The following DDX10 variants were observed in gnomAD, a reference collection of about 807,000 sequenced individuals.
DDX10 encodes probable ATP-dependent RNA helicase DDX10.
A neutral mutation model predicts 104.3 loss-of-function variants in DDX10; 74 were observed. The observed-to-expected ratio is 0.71, with a 90% CI of 0.59 to 0.86. DDX10 has a LOEUF of 0.86. Ranked by LOEUF, DDX10 falls within the 40% of genes least tolerant of loss-of-function variation. The pLI is 0.00. For missense variants in DDX10, 952 were observed against 1,040.0 expected (o/e 0.92, Z 1.16); for synonymous variants, 351 against 353.4 (o/e 0.99, Z 0.08).
intron 16 of DDX10, among the ~76,000 whole-genome samples, chr11:108,895,277 A>G (rs1251809485): frequency 1.3e-5 from 2 of 150,370 alleles, no homozygotes; most frequent in Non-Finnish European, 3.0e-5. Context: ...TTTTGCTTGT[A>G]CTTAAGGTGT....
At chr11:108,703,479 G>A (rs569906339) in intron 9 of DDX10, among the ~76,000 whole-genome samples, 1 of 152,128 alleles carries the variant, frequency 6.6e-6, no homozygotes, top group South Asian at 2.1e-4. Flanking sequence ...ACAGCCGTGT[G>A]CCACCACTCC....
chr11:108,845,336 A>G (rs907549653), intron 15 of DDX10, among the ~76,000 whole-genome samples: 3 of 152,210 alleles, frequency 2.0e-5, no homozygotes, highest in Non-Finnish European at 4.4e-5. Flanking sequence ...GCTTTAATTA[A>G]TTGCTTTACT....
At chr11:108,857,131 G>C (rs1002614733) in intron 16 of DDX10, among the ~76,000 whole-genome samples, 3 of 152,150 alleles carry the variant, frequency 2.0e-5, no homozygotes, top group Non-Finnish European at 4.4e-5. Flanking sequence ...CAGGTTTCCT[G>C]AATCTTCATT....
intron 13 of DDX10, among the ~76,000 whole-genome samples, chr11:108,771,607 T>G (rs1156323605): frequency 6.6e-6 from 1 of 152,164 alleles, no homozygotes; most frequent in African/African-American, 2.4e-5. Flanking sequence ...AGTCTCACTG[T>G]GCAGAAGCTT....
At chr11:108,727,144 C>T (rs1053078135) in intron 13 of DDX10, among the ~76,000 whole-genome samples, 1 of 151,818 alleles carries the variant, frequency 6.6e-6, no homozygotes, top group Non-Finnish European at 1.5e-5. Flanking sequence ...TCTTTTTTTG[C>T]GATGACTTGA....
At chr11:108,746,334 GT>G (rs551574337) in intron 13 of DDX10, among the ~76,000 whole-genome samples, 67 of 144,358 alleles carry the variant, frequency 4.6e-4, no homozygotes, top group African/African-American at 1.1e-3. Flanking sequence ...CACTTAGTAT[GT>G]TTTTTTTTTT....
chr11:108,852,014 T>A (rs1365308556), intron 15 of DDX10, 139 bp from the exon 16 acceptor site: 1 of 650,010 alleles, frequency 1.5e-6, no homozygotes, highest in South Asian at 2.2e-5. Flanking sequence ...GCCAATCCCA[T>A]AGTAGTAGTC....
At chr11:108,916,752 A>C (rs1424514933) in intron 16 of DDX10, among the ~76,000 whole-genome samples, 6 of 152,190 alleles carry the variant, frequency 3.9e-5, no homozygotes, top group African/African-American at 7.2e-5. Flanking sequence ...CTGGTAGTTG[A>C]CAAAACCAAT....
At chr11:108,933,549 G>A (rs1165249947) in intron 17 of DDX10, among the ~76,000 whole-genome samples, 2 of 152,150 alleles carry the variant, frequency 1.3e-5, no homozygotes, top group Non-Finnish European at 2.9e-5. Flanking sequence ...GTGACATGCC[G>A]AGTTTTGATC....
At chr11:108,798,164 A>G (rs1425193595) in intron 13 of DDX10, among the ~76,000 whole-genome samples, 1 of 152,186 alleles carries the variant, frequency 6.6e-6, no homozygotes, top group African/African-American at 2.4e-5. Flanking sequence ...TTACAGAAGA[A>G]AGGACTCTAA....
At chr11:108,883,983 CT>C (rs1261161574) in intron 16 of DDX10, among the ~76,000 whole-genome samples, 4 of 152,172 alleles carry the variant, frequency 2.6e-5, no homozygotes, top group Non-Finnish European at 5.9e-5. Flanking sequence ...CCTTGGACTT[CT>C]TTTCCTCTCT....
chr11:108,813,796 A>G (rs1271497528), intron 13 of DDX10, among the ~76,000 whole-genome samples: 1 of 152,156 alleles, frequency 6.6e-6, no homozygotes, highest in Non-Finnish European at 1.5e-5. Context: ...TAACTACCCA[A>G]TTATTCCAAT....
intron 16 of DDX10, among the ~76,000 whole-genome samples, chr11:108,891,020 A>G (rs17108712): frequency 0.016 from 2,374 of 152,120 alleles, 58 homozygotes; most frequent in African/African-American, 0.053. Context: ...TCTACTGACT[A>G]TCTTTCCATC....
At chr11:108,822,339 A>G (rs1565289348) in intron 13 of DDX10, 1 of 361,024 alleles carries the variant, frequency 2.8e-6, no homozygotes, top group East Asian at 7.7e-5. Context: ...GTTATTACTG[A>G]TGAGTAGCGT....
chr11:108,887,483 A>T (rs535609606), intron 16 of DDX10, among the ~76,000 whole-genome samples: 1 of 151,468 alleles, frequency 6.6e-6, no homozygotes, highest in Non-Finnish European at 1.5e-5. Flanking sequence ...AAAAGAAAAA[A>T]CTGTGGTACA....
rs1430775412 is a variant in DDX10 at position 108,732,349 on chromosome 11, C to A, written c.1965+8887C>A. On this transcript the variant is annotated intron_variant, in intron 13 of 17. Transcript: ENST00000322536. ...TAAACCTATTTGTGATGCTAAGTCA[C>A]ATTTTCTTTCTCTGCTGTCGTGCCT... Among the ~76,000 whole-genome samples, 4 of 152,282 alleles carry A rather than the reference C, an allele frequency of 2.6e-5. No individual in the cohort carries two copies. The East Asian group carries it at 7.7e-4, about 29-fold the overall frequency.
At chr11:108,910,750 T>C (rs371541259) in intron 16 of DDX10, among the ~76,000 whole-genome samples, 4 of 123,166 alleles carry the variant, frequency 3.2e-5, no homozygotes, top group Admixed American at 7.8e-5. Flanking sequence ...TGTGTGTGTG[T>C]GTGTGTGTGT....
chr11:108,718,442 A>G (rs1277610836), intron 11 of DDX10, among the ~76,000 whole-genome samples: 6 of 152,218 alleles, frequency 3.9e-5, no homozygotes, highest in Non-Finnish European at 8.8e-5. Flanking sequence ...TCTAGCAAAC[A>G]TCCTTCAAAC....
chr11:108,856,293 G>A (rs1247209776), intron 16 of DDX10, among the ~76,000 whole-genome samples: 1 of 152,078 alleles, frequency 6.6e-6, no homozygotes, highest in Non-Finnish European at 1.5e-5. Flanking sequence ...AGCCAGGCAT[G>A]GTGGTACCCG....
Sources: gnomAD v4.1 joint callset for allele counts (sites outside exome capture counted in the v4.1 genomes callset) on GRCh38, gnomAD v4.1.1 for gene constraint, MANE v1.5 for transcripts, NCBI Gene and HGNC (gene_info 2026-07-23, HGNC 2026-07-21) for gene names.